The following ATF7IP variants were observed in gnomAD, a reference collection of about 807,000 sequenced individuals.
The protein encoded by ATF7IP is activating transcription factor 7 interacting protein.
ATF7IP carries 23 observed loss-of-function variants against 106.4 expected under a neutral mutation model. That is an observed-to-expected ratio of 0.22 (90% confidence interval 0.16 to 0.31). ATF7IP has a LOEUF of 0.31. ATF7IP is among the 10% of genes least tolerant of loss of function. ATF7IP has a pLI of 1.00. For missense variants in ATF7IP, 1,334 were observed against 1,524.3 expected, an observed-to-expected ratio of 0.88 and a Z score of 2.08; for synonymous variants, 542 against 539.0, an observed-to-expected ratio of 1.01 and a Z score of -0.08.
At chr12:14,464,883 A>G (rs1241710759) in intron 9 of ATF7IP, among the ~76,000 whole-genome samples, 1 of 152,228 alleles carries the variant, frequency 6.6e-6, no homozygotes, top group East Asian at 1.9e-4. Context: ...TCTTTCTTGC[A>G]TCTTTAGGAA....
intron 12 of ATF7IP, 75 bp downstream of exon 12, chr12:14,478,547 A>C: frequency 6.7e-7 from 1 of 1,501,948 alleles, no homozygotes; most frequent in Non-Finnish European, 9.2e-7. Context: ...TTAAGTGGAA[A>C]GATAAGACAG....
At chr12:14,382,570 C>T (rs1260613176) in intron 1 of ATF7IP, among the ~76,000 whole-genome samples, 2 of 152,060 alleles carry the variant, frequency 1.3e-5, no homozygotes, top group South Asian at 2.1e-4. Context: ...TGTTTTTAGG[C>T]CAAGACTAAA....
intron 1 of ATF7IP, among the ~76,000 whole-genome samples, chr12:14,391,500 A>T: frequency 6.6e-6 from 1 of 152,286 alleles, no homozygotes. Context: ...GTTATTAAGT[A>T]ATTGTGTAGT....
chr12:14,441,450 G>T (rs546442844), intron 5 of ATF7IP, among the ~76,000 whole-genome samples: 6 of 141,834 alleles, frequency 4.2e-5, no homozygotes, highest in African/African-American at 1.6e-4. Context: ...TTGTTGTTGA[G>T]TTGTAAGAAT....
At chr12:14,368,832 T>TA (rs1425333131) in intron 1 of ATF7IP, among the ~76,000 whole-genome samples, 2 of 152,184 alleles carry the variant, frequency 1.3e-5, no homozygotes, top group Admixed American at 6.5e-5. Flanking sequence ...AACAGCTACT[T>TA]ACGGCTTTGG....
chr12:14,390,673 C>G (rs756594715), intron 1 of ATF7IP, among the ~76,000 whole-genome samples: 1 of 152,144 alleles, frequency 6.6e-6, no homozygotes, highest in Non-Finnish European at 1.5e-5. Flanking sequence ...GAGTAAATTT[C>G]CTAATAGAAT....
At chr12:14,432,120 A>G (rs1312256750) in intron 2 of ATF7IP, among the ~76,000 whole-genome samples, 1 of 152,198 alleles carries the variant, frequency 6.6e-6, no homozygotes, top group Non-Finnish European at 1.5e-5. Flanking sequence ...ACATGCGTAT[A>G]AAAGAGGCAA....
chr12:14,367,531 C>G (rs1235019381), intron 1 of ATF7IP: 1 of 151,966 alleles, frequency 6.6e-6, no homozygotes, highest in African/African-American at 2.4e-5. Flanking sequence ...CAGGCATTTT[C>G]GAGTTGAACA....
In ATF7IP at chr12:14,424,331, T is replaced by G. The variant is rs200853057; in HGVS notation, c.416T>G (p.Leu139Arg). 581 of 1,614,208 alleles carry G rather than the reference T, an allele frequency of 3.6e-4. 8 individuals carry two copies. The South Asian group carries it at 4.1e-3, about 11-fold the overall frequency. ...PVSGDPAPGD[L>R]DAGDPASGVL... ...TCTGGTGATCCAGCCCCTGGTGATC[T>G]GGATGCCGGAGATCCAGCCTCCGGA... is the stretch of plus-strand genomic sequence containing the variant. The change falls in exon 2 of 15, where the codon CTG (leucine) becomes CGG (arginine). Residue 139 changes from leucine to arginine, a missense_variant. This residue lies in a region of ATF7IP where 438 missense variants were observed against 405.3 expected (regional missense o/e 1.08). Coordinates refer to ENST00000261168, the MANE Select transcript of ATF7IP (RefSeq NM_018179.5).
At chr12:14,367,110 C>A (rs1233920288) in intron 1 of ATF7IP, among the ~76,000 whole-genome samples, 1 of 152,104 alleles carries the variant, frequency 6.6e-6, no homozygotes, top group African/African-American at 2.4e-5. Context: ...AAATGTTTTC[C>A]ATAGACTTCA....
At chr12:14,486,257 A>G (rs978958629) in intron 13 of ATF7IP, among the ~76,000 whole-genome samples, 7 of 152,192 alleles carry the variant, frequency 4.6e-5, no homozygotes, top group South Asian at 4.1e-4. Context: ...GAGGACCACA[A>G]TGATGCTTTG....
intron 2 of ATF7IP, among the ~76,000 whole-genome samples, chr12:14,432,297 A>T (rs1051895593): frequency 1.3e-5 from 2 of 152,142 alleles, no homozygotes; most frequent in African/African-American, 4.8e-5. Flanking sequence ...CTCTCTGGAA[A>T]CTCTGGGGAC....
At chr12:14,466,970 A>G (rs1943857563) in intron 10 of ATF7IP, among the ~76,000 whole-genome samples, 1 of 152,084 alleles carries the variant, frequency 6.6e-6, no homozygotes, top group Non-Finnish European at 1.5e-5. Context: ...CACTTGTACC[A>G]CACTCTACCC....
At chr12:14,438,333 A>G in intron 5 of ATF7IP, 66 bp downstream of exon 5, 1 of 1,362,378 alleles carries the variant, frequency 7.3e-7, no homozygotes, top group Non-Finnish European at 1.0e-6. Context: ...TTTCTGAGAT[A>G]TATATTTGAG....
At chr12:14,420,365 C>A in intron 1 of ATF7IP, 1 of 152,680 alleles carries the variant, frequency 6.5e-6, no homozygotes. Context: ...TGTGGTGGCT[C>A]ACACCTGTAA....
chr12:14,411,442 C>T (rs576083008), intron 1 of ATF7IP, among the ~76,000 whole-genome samples: 6 of 151,870 alleles, frequency 4.0e-5, no homozygotes, highest in Non-Finnish European at 8.8e-5. Flanking sequence ...ATGTAGGTGA[C>T]GGGTTGACGG....
At chr12:14,451,844 A>G (rs776269595) in intron 6 of ATF7IP, among the ~76,000 whole-genome samples, 2 of 152,038 alleles carry the variant, frequency 1.3e-5, no homozygotes, top group African/African-American at 2.4e-5. Context: ...GTTTGATCCA[A>G]GCTTATCCTA....
chr12:14,401,920 T>G (rs562879218), intron 1 of ATF7IP, among the ~76,000 whole-genome samples: 1 of 150,950 alleles, frequency 6.6e-6, no homozygotes, highest in South Asian at 2.1e-4. Flanking sequence ...TACCTTGTTG[T>G]CCAGGCTGGT....
At chr12:14,408,814 G>T (rs1940748397) in intron 1 of ATF7IP, among the ~76,000 whole-genome samples, 1 of 152,088 alleles carries the variant, frequency 6.6e-6, no homozygotes, top group Non-Finnish European at 1.5e-5. Context: ...AAATGTTCTA[G>T]ATTATTGTCT....
Sources: allele counts gnomAD v4.1 joint callset (sites outside exome capture counted in the v4.1 genomes callset), GRCh38; gene constraint gnomAD v4.1.1; regional missense constraint gnomAD v4.1.1; transcripts MANE v1.5; gene names NCBI Gene and HGNC (gene_info 2026-07-23, HGNC 2026-07-21).